Variants in COX16 observed in about 807,000 individuals in gnomAD.
COX16 encodes the protein cytochrome c oxidase assembly factor COX16, also known as cytochrome c oxidase assembly protein COX16 homolog, mitochondrial.
In COX16, 12 loss-of-function variants were observed where a neutral mutation model predicts 15.4. That is an observed-to-expected ratio of 0.78 (90% confidence interval 0.50 to 1.26). The LOEUF (loss-of-function observed/expected upper bound fraction) is 1.26. COX16 is among the 50% of genes most tolerant of loss of function. COX16 has a pLI of 0.00. For synonymous variants in COX16, 46 were observed against 41.1 expected, an observed-to-expected ratio of 1.12 and a Z score of -0.46; for missense variants, 124 against 127.6, an observed-to-expected ratio of 0.97 and a Z score of 0.14.
intron 1 of COX16, among the ~76,000 whole-genome samples, chr14:70,358,371 A>ATTTTTTTTTTTT (rs34871293): frequency 1.1e-5 from 1 of 94,078 alleles, no homozygotes; most frequent in African/African-American, 4.1e-5. Flanking sequence ...AAAAACAACA[A>ATTTTTTTTTTTT]TTTTTTTTTT....
rs150828978 is a variant in COX16, at chr14:70,330,233, TATA to T, written c.142-1000_142-998del. ...CACAAATTCTATAGGCAATAAAGAG[TATA>T]ATAATATGAATAATTTTATGCCATT... On this transcript the variant is annotated intron_variant, in intron 2 of 3. Transcript: ENST00000389912. Among the ~76,000 whole-genome samples, 521 of 152,158 alleles carry T rather than the reference TATA, an allele frequency of 3.4e-3. 3 individuals are homozygous for T. Among genetic ancestry groups the T allele is most frequent in the Non-Finnish European group, 5.8e-3 (396 of 67,964 alleles).
intron 1 of COX16, among the ~76,000 whole-genome samples, chr14:70,356,246 G>A (rs988343112): frequency 3.0e-4 from 46 of 151,916 alleles, no homozygotes; most frequent in African/African-American, 1.1e-3. Flanking sequence ...GGATGAAACT[G>A]TTCCACTTTA....
chr14:70,340,639 T>A (rs1304735820), intron 2 of COX16, among the ~76,000 whole-genome samples: 3 of 152,166 alleles, frequency 2.0e-5, no homozygotes, highest in Non-Finnish European at 4.4e-5. Flanking sequence ...TCCTAACAGA[T>A]CTCTTTACTT....
Position 70,342,738 on chromosome 14 carries a change from A to C in COX16, c.70-9T>G. ...CCTCCAACAATCAGCAACTAAAACAAAGAAAGGAAACATTTAAGCAAAACA... is the reference window on the plus strand; with the variant it reads ...CCTCCAACAATCAGCAACTAAAACACAGAAAGGAAACATTTAAGCAAAACA... On this transcript the variant is annotated splice_polypyrimidine_tract_variant and intron_variant, in intron 1 of 3. Transcript: ENST00000389912. The C allele has an allele frequency of 6.2e-7, 1 of 1,610,986 alleles. No homozygotes were observed. Among genetic ancestry groups the C allele is most frequent in the Non-Finnish European group, 8.5e-7 (1 of 1,179,182 alleles).
At chr14:70,354,989 T>G (rs897621341) in intron 1 of COX16, among the ~76,000 whole-genome samples, 5 of 152,154 alleles carry the variant, frequency 3.3e-5, no homozygotes, top group African/African-American at 1.2e-4. Context: ...ATTCTCTCCT[T>G]TCCTGTATCA....
intron 1 of COX16, among the ~76,000 whole-genome samples, chr14:70,347,394 CT>C (rs1211683083): frequency 6.6e-6 from 1 of 152,170 alleles, no homozygotes; most frequent in Non-Finnish European, 1.5e-5. Context: ...CTAAAGGATG[CT>C]TTTTTCCACA....
chr14:70,353,354 T>C (rs895286832), intron 1 of COX16, among the ~76,000 whole-genome samples: 1 of 149,360 alleles, frequency 6.7e-6, no homozygotes, highest in Non-Finnish European at 1.5e-5. Context: ...AAAATAAAGT[T>C]TGATCCCTAC....
chr14:70,345,914 GTCTTCTCAGCTGCCA>G (rs1024287689), intron 1 of COX16, among the ~76,000 whole-genome samples: 26 of 151,454 alleles, frequency 1.7e-4, no homozygotes, highest in East Asian at 1.6e-3. Context: ...CCTCCTCGTT[GTCTTCTCAGCTGCCA>G]TCTTCCCAGC....
intron 1 of COX16, among the ~76,000 whole-genome samples, chr14:70,344,775 G>A (rs1886725144): frequency 6.6e-6 from 1 of 152,174 alleles, no homozygotes; most frequent in South Asian, 2.1e-4. Flanking sequence ...GCAGAAGCAG[G>A]AAGAGAGCCG....
At chr14:70,357,818 C>T (rs2140769892) in intron 1 of COX16, among the ~76,000 whole-genome samples, 1 of 152,316 alleles carries the variant, frequency 6.6e-6, no homozygotes. Context: ...GATGCAGCCA[C>T]TTTGGAAAAC....
At chr14:70,343,538 C>G (rs1886684933) in intron 1 of COX16, among the ~76,000 whole-genome samples, 3 of 152,134 alleles carry the variant, frequency 2.0e-5, no homozygotes, top group African/African-American at 7.2e-5. Flanking sequence ...GTTCTCATTA[C>G]CTTACCAAGT....
At chr14:70,336,528 TAATG>T (rs1886461459) in intron 2 of COX16, among the ~76,000 whole-genome samples, 1 of 152,202 alleles carries the variant, frequency 6.6e-6, no homozygotes, top group Admixed American at 6.5e-5. Flanking sequence ...AAAAATAAAA[TAATG>T]AATTACTATA....
At position 70,325,754 on chromosome 14, in the gene COX16, TA is replaced by T. The variant is rs1287723793; in HGVS notation, c.*578del. ...CATAATTTTTGACAACCATAAATAA[TA>T]TAATTTCCTTGACATGTTAATGGTA... On this transcript the variant is annotated 3_prime_UTR_variant, in exon 4 of 4. Coordinates refer to ENST00000389912, the MANE Select transcript of COX16 (RefSeq NM_016468.7). 2.0e-5 allele frequency: 3 copies of T among 151,570 alleles called. No individual in the cohort carries two copies. The highest frequency in any genetic ancestry group is 7.2e-5 in the African/African-American group (3 of 41,380). The allele number at this position is 151,570 out of a possible 1,614,324, so 9.4% of individuals were successfully genotyped here. A position where few individuals can be genotyped will look rare whatever the true frequency, so the allele number is the denominator to read the frequency against.
At chr14:70,338,570 G>A (rs547579500) in intron 2 of COX16, among the ~76,000 whole-genome samples, 2 of 152,248 alleles carry the variant, frequency 1.3e-5, no homozygotes, top group East Asian at 1.9e-4. Flanking sequence ...AACAAACCTG[G>A]TACCAGTCCC....
At chr14:70,353,488 A>G (rs1358769090) in intron 1 of COX16, among the ~76,000 whole-genome samples, 1 of 135,740 alleles carries the variant, frequency 7.4e-6, no homozygotes, top group African/African-American at 2.5e-5. Context: ...ACACACACAC[A>G]TAGAGATAGA....
chr14:70,330,644 G>A lies in COX16; in HGVS notation c.142-1408C>T, dbSNP rs190847755. On this transcript the variant is annotated intron_variant, in intron 2 of 3. Transcript: ENST00000389912. The stretch of plus-strand genomic sequence containing the variant: ...CAAGTTGAATTTATTCCAGAAAGGC[G>A]AAGTTAATTTGGAAATCACAATGTA... Among the ~76,000 whole-genome samples the A allele has an allele frequency of 3.7e-3, 557 of 152,260 alleles. 7 individuals carry two copies. Among genetic ancestry groups the A allele is most frequent in the South Asian group, 5.2e-3 (25 of 4,816 alleles).
chr14:70,345,505 T>TA (rs1886752001), intron 1 of COX16, among the ~76,000 whole-genome samples: 1 of 152,172 alleles, frequency 6.6e-6, no homozygotes, highest in South Asian at 2.1e-4. Context: ...GGCTGCTTCA[T>TA]AAAAAACCTG....
chr14:70,330,043 A>C (rs1886231840), intron 2 of COX16, among the ~76,000 whole-genome samples: 1 of 152,154 alleles, frequency 6.6e-6, no homozygotes, highest in Non-Finnish European at 1.5e-5. Context: ...TAATTAAATA[A>C]AAATAGCAAA....
intron 3 of COX16, chr14:70,328,253 A>C (rs1886156464): frequency 5.7e-5 from 2 of 35,002 alleles, no homozygotes; most frequent in South Asian, 2.1e-3. Context: ...AGGGCCAAGG[A>C]AAGATAGCTA....
Sources: gnomAD v4.1 joint callset for allele counts (sites outside exome capture counted in the v4.1 genomes callset) on GRCh38, gnomAD v4.1.1 for gene constraint, MANE v1.5 for transcripts, NCBI Gene and HGNC (gene_info 2026-07-23, HGNC 2026-07-21) for gene names.